The following LRRFIP1 variants were observed in gnomAD, a reference collection of about 807,000 sequenced individuals.
LRRFIP1 encodes the protein LRR binding FLII interacting protein 1, also known as leucine-rich repeat flightless-interacting protein 1.
Under a neutral mutation model 104.4 loss-of-function variants are expected in LRRFIP1, and 62 were observed. The observed-to-expected ratio is 0.59, with a 90% confidence interval of 0.48 to 0.73. The LOEUF (loss-of-function observed/expected upper bound fraction) is 0.73, where lower values mean the gene tolerates loss of function less well. Ranked by LOEUF, LRRFIP1 falls within the 30% of genes least tolerant of loss-of-function variation. The pLI is 0.00. For missense variants in LRRFIP1, 796 were observed against 824.5 expected, an observed-to-expected ratio of 0.97 and a Z score of 0.42; for synonymous variants, 300 against 299.0, an observed-to-expected ratio of 1.00 and a Z score of -0.03.
intron 1 of LRRFIP1, among the ~76,000 whole-genome samples, chr2:237,692,783 G>C (rs569752559): frequency 2.6e-5 from 4 of 152,252 alleles, no homozygotes; most frequent in Non-Finnish European, 4.4e-5. Flanking sequence ...GTCTCTCCCC[G>C]CCCGAGGTGA....
chr2:237,760,073 A>C lies in LRRFIP1; in HGVS notation c.1327A>C (p.Ile443Leu). 6.2e-7 allele frequency: 1 copy of C among 1,613,668 alleles called. No homozygotes were observed. The highest frequency in any genetic ancestry group is 8.5e-7 in the Non-Finnish European group (1 of 1,179,600). ...MLKEELKKHG[I>L]ILNSEIATNG... ...CTATTTTTGTTCCCAGAAACATGGA[A>C]TAATCCTAAATTCAGAAATAGCTAC... The change falls in exon 19 of 24, where the codon ATA becomes CTA. Residue 443 changes from isoleucine to leucine, a missense_variant. Ile to Leu is a conservative substitution (Grantham distance 5, BLOSUM62 2). Transcript: ENST00000308482.
chr2:237,656,148 G>A (rs13408642), intron 1 of LRRFIP1, among the ~76,000 whole-genome samples: 56,700 of 152,062 alleles, frequency 0.37, 10,892 homozygotes, highest in South Asian at 0.46. Context: ...CTATCTATAT[G>A]TAAGGTGGCA....
chr2:237,747,323 G>A (rs1033541435), intron 11 of LRRFIP1, among the ~76,000 whole-genome samples: 1 of 152,232 alleles, frequency 6.6e-6, no homozygotes, highest in Admixed American at 6.5e-5. Flanking sequence ...TTGCAGGAGG[G>A]AAGGTGGCAG....
chr2:237,748,587 G>A (rs1406654812), intron 12 of LRRFIP1, among the ~76,000 whole-genome samples, 188 bp downstream of exon 12: 1 of 152,130 alleles, frequency 6.6e-6, no homozygotes, highest in Non-Finnish European at 1.5e-5. Flanking sequence ...GTGTGCGTTA[G>A]ATCCTGTAGA....
intron 13 of LRRFIP1, among the ~76,000 whole-genome samples, chr2:237,749,695 C>T (rs902583496): frequency 4.6e-5 from 7 of 152,198 alleles, no homozygotes; most frequent in African/African-American, 1.7e-4. Context: ...ACGGCTTTAC[C>T]TACTTTCACA....
intron 20 of LRRFIP1, chr2:237,770,246 G>T: frequency 9.4e-6 from 4 of 423,696 alleles, no homozygotes; most frequent in Non-Finnish European, 1.7e-5. Context: ...AATTGAATTT[G>T]GTACATTTTA....
Position 237,770,127 on chromosome 2 carries a change from C to T in LRRFIP1, c.1509+135C>T, listed in dbSNP as rs549341890. 7 of 672,658 alleles carry T rather than the reference C, an allele frequency of 1.0e-5. No homozygotes were observed. The African/African-American group carries it at 1.3e-4, about 12-fold the overall frequency. The allele number at this position is 672,658 out of a possible 1,614,324, so 41.7% of individuals were successfully genotyped here. On this transcript the variant is annotated intron_variant, in intron 20 of 23. Coordinates refer to ENST00000308482, the MANE Select transcript of LRRFIP1 (RefSeq NM_001137550.2). ...AGTCTTTATCAAGCCAACTGGTGTT[C>T]TTAAGATTGCTATCCAAATAGAACA...
chr2:237,654,749 C>T (rs1347757457), intron 1 of LRRFIP1, among the ~76,000 whole-genome samples: 2 of 152,134 alleles, frequency 1.3e-5, no homozygotes, highest in Non-Finnish European at 2.9e-5. Flanking sequence ...TGGGTTTTCA[C>T]CATGTTGGCC....
At chr2:237,627,999 C>A (rs1007786570) in intron 1 of LRRFIP1, among the ~76,000 whole-genome samples, 2 of 151,210 alleles carry the variant, frequency 1.3e-5, no homozygotes, top group African/African-American at 2.4e-5. Flanking sequence ...CGCCCTCCCC[C>A]ACCCCGGCCA....
Position 237,756,150 on chromosome 2 carries a change from T to G in LRRFIP1, c.1094T>G (p.Val365Gly), listed in dbSNP as rs748048689. The G allele has an allele frequency of 1.2e-6, 2 of 1,614,050 alleles. No homozygotes were observed. Among genetic ancestry groups the G allele is most frequent in the Admixed American group, 3.3e-5 (2 of 60,022 alleles). ...HSILQFQFAE[V>G]KEALKQREEM... ...ATACTGCAATTTCAGTTTGCTGAAG[T>G]CAAGGAGGCCCTGAAGCAAAGAGAG... The change falls in exon 16 of 24, where the codon GTC becomes GGC. Residue 365 changes from valine to glycine, a missense_variant. By Grantham distance (109) the Val-to-Gly change is moderately radical. Transcript: ENST00000308482.
intron 1 of LRRFIP1, among the ~76,000 whole-genome samples, chr2:237,673,491 C>T (rs956584321): frequency 6.6e-5 from 10 of 152,194 alleles, no homozygotes; most frequent in African/African-American, 2.2e-4. Context: ...TCCAGTGCCG[C>T]GCGTGGCGTG....
rs776457803 is a variant in LRRFIP1 at position 237,719,587 on chromosome 2, A to G, written c.294+20A>G. The G allele has an allele frequency of 3.8e-6, 6 of 1,597,504 alleles. No individual in the cohort carries two copies. Among genetic ancestry groups the G allele is most frequent in the Non-Finnish European group, 4.3e-6 (5 of 1,166,964 alleles). On this transcript the variant is annotated intron_variant, in intron 5 of 23. Coordinates refer to ENST00000308482, the MANE Select transcript of LRRFIP1 (RefSeq NM_001137550.2). ...ACATCGGTTAGTACCGTGTTCATTC[A>G]TTACTTGGGCAATTTGATTGAATTC...
Position 237,735,470 on chromosome 2 carries a change from C to T in LRRFIP1, c.555+137C>T, listed in dbSNP as rs943925587. 2.8e-6 allele frequency: 2 copies of T among 708,108 alleles called. No homozygotes were observed. Among genetic ancestry groups the T allele is most frequent in the East Asian group, 2.8e-5 (1 of 35,626 alleles). The allele number at this position is 708,108 out of a possible 1,614,324, so 43.9% of individuals were successfully genotyped here. On this transcript the variant is annotated intron_variant, in intron 10 of 23. Coordinates refer to ENST00000308482, the MANE Select transcript of LRRFIP1 (RefSeq NM_001137550.2). The surrounding 1 kb of genome is among the most constrained non-coding windows in gnomAD (Gnocchi z 4.6). ...CGCCGAGTCACCGGGCTAACCGCCA[C>T]CTTCCATTGTAATGAAGGTCACAAA...
At chr2:237,635,993 A>G (rs913413086) in intron 1 of LRRFIP1, among the ~76,000 whole-genome samples, 23 of 151,368 alleles carry the variant, frequency 1.5e-4, no homozygotes, top group Non-Finnish European at 3.1e-4. Flanking sequence ...GCTAGTTGGG[A>G]GGCTGAGGTG....
intron 10 of LRRFIP1, among the ~76,000 whole-genome samples, chr2:237,737,231 G>A (rs1346818634): frequency 6.6e-6 from 1 of 152,190 alleles, no homozygotes; most frequent in Non-Finnish European, 1.5e-5. Flanking sequence ...CGAGGAAGTT[G>A]TTTCTGGCAG....
chr2:237,679,859 C>T (rs774841031), intron 1 of LRRFIP1, among the ~76,000 whole-genome samples: 1 of 152,182 alleles, frequency 6.6e-6, no homozygotes, highest in Non-Finnish European at 1.5e-5. Context: ...CCACCCGCCT[C>T]GGCCTCCCAA....
intron 1 of LRRFIP1, among the ~76,000 whole-genome samples, chr2:237,635,609 A>G (rs1655337333): frequency 6.6e-6 from 1 of 152,234 alleles, no homozygotes; most frequent in Non-Finnish European, 1.5e-5. Context: ...ATAGCTTAGG[A>G]CCAAGAGTTC....
Position 237,733,822 on chromosome 2 carries a change from C to T in LRRFIP1, c.489+4C>T, listed in dbSNP as rs202094459. 15 of 1,613,814 alleles carry T rather than the reference C, an allele frequency of 9.3e-6. No homozygotes were observed. Among genetic ancestry groups the T allele is most frequent in the Admixed American group, 3.3e-5 (2 of 60,012 alleles). On this transcript the variant is annotated splice_donor_region_variant and intron_variant, in intron 9 of 23. Coordinates refer to ENST00000308482, the MANE Select transcript of LRRFIP1 (RefSeq NM_001137550.2). The stretch of plus-strand genomic sequence containing the variant: ...CCGGCCTTCGGGGAGTTACCGGGTG[C>T]GTGTGCTGCCCACCCTGCTGCCCCG...
At chr2:237,737,656 T>G (rs918709830) in intron 10 of LRRFIP1, among the ~76,000 whole-genome samples, 3 of 152,218 alleles carry the variant, frequency 2.0e-5, no homozygotes, top group Non-Finnish European at 2.9e-5. Flanking sequence ...TCCTCTCTCT[T>G]ACATCAGGAA....
Sources: gnomAD v4.1 joint callset for allele counts (sites outside exome capture counted in the v4.1 genomes callset) on GRCh38, gnomAD v4.1.1 for gene constraint, Gnocchi (gnomAD v3.1) non-coding constraint, MANE v1.5 for transcripts, NCBI Gene and HGNC (gene_info 2026-07-23, HGNC 2026-07-21) for gene names.